EML4: variants seen among roughly 807,000 people sequenced by gnomAD.
The protein encoded by EML4 is EMAP like 4, also known as echinoderm microtubule-associated protein-like 4.
EML4 carries 72 observed loss-of-function variants against 129.0 expected under a neutral mutation model. The observed-to-expected ratio is 0.56, with a 90% CI of 0.46 to 0.68. The LOEUF (loss-of-function observed/expected upper bound fraction) is 0.68. Among genes scored for constraint, EML4 ranks in the 30% least tolerant of loss-of-function variants. EML4 has a pLI of 0.00. For missense variants in EML4, 1,363 were observed against 1,190.6 expected (o/e 1.14, Z -2.13); for synonymous variants, 532 against 405.0 (o/e 1.31, Z -3.77).
intron 19 of EML4, among the ~76,000 whole-genome samples, chr2:42,320,376 C>G (rs1162257449): frequency 6.6e-6 from 1 of 151,480 alleles, no homozygotes; most frequent in Admixed American, 6.6e-5. Context: ...GTCATCTGAC[C>G]TAGTTTTGAA....
intron 6 of EML4, among the ~76,000 whole-genome samples, chr2:42,267,472 A>G (rs556819196): frequency 3.0e-4 from 45 of 152,304 alleles, no homozygotes; most frequent in African/African-American, 1.1e-3. Flanking sequence ...TTTGACAATG[A>G]TAGCTGTGGC....
intron 1 of EML4, among the ~76,000 whole-genome samples, chr2:42,194,522 CTTT>C (rs879663296): frequency 7.1e-6 from 1 of 141,430 alleles, no homozygotes; most frequent in Non-Finnish European, 1.6e-5. Context: ...TTTTTTATTT[CTTT>C]TTTTTTTTTA....
chr2:42,321,497 T>C (rs879854667), intron 19 of EML4, among the ~76,000 whole-genome samples: 39 of 152,164 alleles, frequency 2.6e-4, no homozygotes, highest in Non-Finnish European at 5.0e-4. Context: ...TATTAGTATG[T>C]TGCTTCCATC....
chr2:42,199,463 G>A (rs1482612076), intron 1 of EML4, among the ~76,000 whole-genome samples: 12 of 152,194 alleles, frequency 7.9e-5, no homozygotes, highest in Non-Finnish European at 1.8e-4. Context: ...CTAGTTATAA[G>A]TAAAGGAGGA....
At chr2:42,177,256 C>CT (rs70959501) in intron 1 of EML4, among the ~76,000 whole-genome samples, 58,174 of 147,860 alleles carry the variant, frequency 0.39, 11,699 homozygotes, top group Middle Eastern at 0.57. Flanking sequence ...TTTCATACCT[C>CT]TTTTTTTTTT....
At chr2:42,191,442 C>A (rs1370389574) in intron 1 of EML4, among the ~76,000 whole-genome samples, 1 of 152,126 alleles carries the variant, frequency 6.6e-6, no homozygotes, top group Non-Finnish European at 1.5e-5. Context: ...GGTCCTGTTA[C>A]ATCAAAATTT....
chr2:42,213,605 T>C (rs1158852111), intron 1 of EML4, among the ~76,000 whole-genome samples: 1 of 152,246 alleles, frequency 6.6e-6, no homozygotes, highest in Admixed American at 6.5e-5. Flanking sequence ...ATTGCAGATG[T>C]GTGCCTCAAC....
At chr2:42,200,062 C>T (rs1672127695) in intron 1 of EML4, among the ~76,000 whole-genome samples, 1 of 150,662 alleles carries the variant, frequency 6.6e-6, no homozygotes, top group East Asian at 2.0e-4. Context: ...GTAATCCCAG[C>T]ACTTTGGGAG....
intron 2 of EML4, among the ~76,000 whole-genome samples, chr2:42,254,159 T>C (rs984097234): frequency 3.3e-5 from 5 of 152,126 alleles, no homozygotes; most frequent in African/African-American, 1.2e-4. Flanking sequence ...ACGGTAAAAA[T>C]GCCTGTAATT....
chr2:42,280,816 C>A, intron 6 of EML4, 34 bp from the exon 7 acceptor site: 1 of 1,554,428 alleles, frequency 6.4e-7, no homozygotes, highest in Non-Finnish European at 8.8e-7. Context: ...ACAGAAAATA[C>A]GTATGACTTA....
At chr2:42,217,769 T>C (rs978379045) in intron 1 of EML4, among the ~76,000 whole-genome samples, 1 of 152,204 alleles carries the variant, frequency 6.6e-6, no homozygotes, top group African/African-American at 2.4e-5. Flanking sequence ...TGTCCAAATA[T>C]CAGATCTGTC....
intron 1 of EML4, among the ~76,000 whole-genome samples, chr2:42,243,090 A>G (rs1675147294): frequency 6.6e-6 from 1 of 152,110 alleles, no homozygotes; most frequent in Admixed American, 6.6e-5. Flanking sequence ...AATTTCTAGT[A>G]GTAATATTTA....
At chr2:42,318,984 A>G (rs1258317723) in intron 19 of EML4, among the ~76,000 whole-genome samples, 1 of 152,158 alleles carries the variant, frequency 6.6e-6, no homozygotes, top group Non-Finnish European at 1.5e-5. Context: ...GAGATTAGGC[A>G]TGAGCCACTG....
chr2:42,286,159 T>C (rs1667295912), intron 9 of EML4, 110 bp from the exon 10 acceptor site: 1 of 736,232 alleles, frequency 1.4e-6, no homozygotes, highest in Non-Finnish European at 2.5e-6. Flanking sequence ...AGTAATTTAT[T>C]AGAAGCTTAT....
At chr2:42,170,042 C>G (rs1670175753) in intron 1 of EML4, 1 of 170,720 alleles carries the variant, frequency 5.9e-6, no homozygotes, top group African/African-American at 2.4e-5. Context: ...CACCTTTCCA[C>G]ATACACGCCT....
intron 4 of EML4, 47 bp downstream of exon 4, chr2:42,261,341 A>G (rs1318698874): frequency 6.9e-7 from 1 of 1,458,050 alleles, no homozygotes; most frequent in African/African-American, 1.4e-5. Context: ...TTGTAATGAT[A>G]CCTAAATTCT....
At chr2:42,185,287 T>C (rs1024106899) in intron 1 of EML4, among the ~76,000 whole-genome samples, 3 of 152,214 alleles carry the variant, frequency 2.0e-5, no homozygotes, top group Non-Finnish European at 2.9e-5. Context: ...GTGAAAATTA[T>C]ATGAAATTCA....
At chr2:42,174,787 T>C (rs1412577425) in intron 1 of EML4, among the ~76,000 whole-genome samples, 5 of 152,124 alleles carry the variant, frequency 3.3e-5, no homozygotes, top group African/African-American at 1.2e-4. Context: ...TATACTTTTA[T>C]AGGTGAAAAA....
At chr2:42,244,296 A>G (rs1033598889) in intron 1 of EML4, among the ~76,000 whole-genome samples, 5 of 151,496 alleles carry the variant, frequency 3.3e-5, no homozygotes, top group African/African-American at 1.2e-4. Context: ...ACTGGATTTC[A>G]CCTTGTTGGC....
Sources: gnomAD v4.1 joint callset for allele counts (sites outside exome capture counted in the v4.1 genomes callset) on GRCh38, gnomAD v4.1.1 for gene constraint, MANE v1.5 for transcripts, NCBI Gene and HGNC (gene_info 2026-07-23, HGNC 2026-07-21) for gene names.